Variants in PSD3 observed in about 807,000 individuals in gnomAD.
PSD3 encodes pleckstrin and Sec7 domain containing 3, also known as PH and SEC7 domain-containing protein 3.
In PSD3, 49 loss-of-function variants were observed where a neutral mutation model predicts 105.5. The observed-to-expected ratio is 0.46, with a 90% confidence interval of 0.37 to 0.59. PSD3 has a LOEUF of 0.59. Among genes scored for constraint, PSD3 ranks in the 20% least tolerant of loss-of-function variants. The pLI, the probability that PSD3 is intolerant of heterozygous loss-of-function variation, is 0.00. For missense variants in PSD3, 1,561 were observed against 1,263.8 expected (o/e 1.24, Z -3.57); for synonymous variants, 557 against 457.8 (o/e 1.22, Z -2.77).
chr8:18,586,921 G>A (rs959280930), intron 12 of PSD3, among the ~76,000 whole-genome samples: 3 of 152,094 alleles, frequency 2.0e-5, no homozygotes, highest in African/African-American at 7.2e-5. Flanking sequence ...GTGCTAGTGA[G>A]GCCCTTAAGG....
At chr8:18,887,972 AAG>A (rs1156839803) in intron 2 of PSD3, among the ~76,000 whole-genome samples, 1 of 152,180 alleles carries the variant, frequency 6.6e-6, no homozygotes, top group African/African-American at 2.4e-5. Context: ...ACTAAAACTC[AAG>A]AGAGGTGTGT....
At chr8:18,799,064 T>C in intron 8 of PSD3, 2 of 474,566 alleles carry the variant, frequency 4.2e-6, no homozygotes, top group Non-Finnish European at 7.6e-6. Context: ...AACACACACA[T>C]TACTGCTAAA....
chr8:18,826,077 A>G (rs1182876580), intron 4 of PSD3, among the ~76,000 whole-genome samples: 1 of 152,182 alleles, frequency 6.6e-6, no homozygotes, highest in Non-Finnish European at 1.5e-5. Flanking sequence ...AATGAATAAA[A>G]GGGTAGACAA....
intron 9 of PSD3, among the ~76,000 whole-genome samples, chr8:18,679,104 T>C (rs1352749541): frequency 6.6e-6 from 1 of 152,236 alleles, no homozygotes; most frequent in African/African-American, 2.4e-5. Context: ...CAATGTCCTG[T>C]TTGACCAGAA....
intron 9 of PSD3, among the ~76,000 whole-genome samples, chr8:18,702,903 C>T (rs1032068153): frequency 7.9e-5 from 12 of 152,146 alleles, no homozygotes; most frequent in African/African-American, 1.7e-4. Flanking sequence ...TGAGCCACCG[C>T]GCTTGGACAG....
chr8:18,910,936 AAAAT>A (rs1563410705), intron 2 of PSD3, among the ~76,000 whole-genome samples: 1 of 150,892 alleles, frequency 6.6e-6, no homozygotes, highest in Non-Finnish European at 1.5e-5. Context: ...AAAATTCAAA[AAAAT>A]AAAAAAAAAA....
At chr8:18,982,068 C>T (rs965344182) in intron 1 of PSD3, among the ~76,000 whole-genome samples, 1 of 152,226 alleles carries the variant, frequency 6.6e-6, no homozygotes, top group East Asian at 1.9e-4. Flanking sequence ...TCAAACCCTA[C>T]ACTACTTTAT....
chr8:18,772,049 G>A (rs1488764086), intron 8 of PSD3, among the ~76,000 whole-genome samples: 2 of 152,170 alleles, frequency 1.3e-5, no homozygotes, highest in Non-Finnish European at 2.9e-5. Context: ...GTTGTAGCAT[G>A]TGACAGGATT....
intron 1 of PSD3, among the ~76,000 whole-genome samples, chr8:19,031,801 T>A (rs1827782231): frequency 6.6e-6 from 1 of 152,146 alleles, no homozygotes; most frequent in African/African-American, 2.4e-5. Flanking sequence ...AAACACTTAG[T>A]CTCATAGAAC....
chr8:18,909,608 T>G (rs1041493891), intron 2 of PSD3, among the ~76,000 whole-genome samples: 12 of 152,106 alleles, frequency 7.9e-5, no homozygotes, highest in Non-Finnish European at 1.6e-4. Flanking sequence ...GCTTCCCAAG[T>G]GAGCAGCTCG....
intron 14 of PSD3, among the ~76,000 whole-genome samples, chr8:18,557,713 G>T (rs1801163210): frequency 6.6e-6 from 1 of 152,170 alleles, no homozygotes; most frequent in South Asian, 2.1e-4. Flanking sequence ...AAGGAGAAAA[G>T]AAACCTATTT....
chr8:18,665,865 C>T (rs955940274), intron 9 of PSD3, among the ~76,000 whole-genome samples: 1 of 152,124 alleles, frequency 6.6e-6, no homozygotes, highest in Non-Finnish European at 1.5e-5. Flanking sequence ...AACAAACAAA[C>T]AAAACTAATG....
intron 9 of PSD3, among the ~76,000 whole-genome samples, chr8:18,724,946 T>C (rs1303175433): frequency 6.6e-6 from 1 of 152,142 alleles, no homozygotes; most frequent in Non-Finnish European, 1.5e-5. Flanking sequence ...GCAAAATTAG[T>C]GGCTCAGAAA....
chr8:18,757,191 G>A (rs529196001), intron 9 of PSD3, among the ~76,000 whole-genome samples: 162 of 150,586 alleles, frequency 1.1e-3, no homozygotes, highest in Non-Finnish European at 1.5e-3. Context: ...GGTGGCTCAC[G>A]CCTGGAATCC....
chr8:18,843,552 C>A (rs772431055), intron 4 of PSD3, among the ~76,000 whole-genome samples: 3 of 152,160 alleles, frequency 2.0e-5, no homozygotes, highest in Non-Finnish European at 2.9e-5. Context: ...GTTTATAATG[C>A]GTTCTCCTCT....
chr8:19,024,270 C>T (rs1323307658), intron 1 of PSD3, among the ~76,000 whole-genome samples: 1 of 152,066 alleles, frequency 6.6e-6, no homozygotes, highest in Non-Finnish European at 1.5e-5. Flanking sequence ...TCACGTATAA[C>T]CTGTGGAAAT....
intron 1 of PSD3, among the ~76,000 whole-genome samples, chr8:19,074,570 A>G (rs1483255705): frequency 1.5e-5 from 2 of 137,434 alleles, no homozygotes; most frequent in Non-Finnish European, 3.1e-5. Flanking sequence ...TAAAAGGTAT[A>G]ATTTTACAAC....
chr8:18,767,690 T>C (rs930276872), intron 8 of PSD3, among the ~76,000 whole-genome samples: 15 of 151,944 alleles, frequency 9.9e-5, no homozygotes, highest in African/African-American at 3.6e-4. Flanking sequence ...GAGGATGCAG[T>C]GAGCAGAGAT....
intron 4 of PSD3, among the ~76,000 whole-genome samples, chr8:18,831,167 G>A (rs995032536): frequency 6.6e-6 from 1 of 151,578 alleles, no homozygotes; most frequent in Non-Finnish European, 1.5e-5. Flanking sequence ...TATTAATCTG[G>A]TTCTGAAGCT....
Sources: allele counts gnomAD v4.1 joint callset (sites outside exome capture counted in the v4.1 genomes callset), GRCh38; gene constraint gnomAD v4.1.1; transcripts MANE v1.5; gene names NCBI Gene and HGNC (gene_info 2026-07-23, HGNC 2026-07-21).